The following DLGAP2 variants were observed in gnomAD, a reference collection of about 807,000 sequenced individuals.
DLGAP2 encodes the protein disks large-associated protein 2.
In DLGAP2, 26 loss-of-function variants were observed where a neutral mutation model predicts 100.3. The ratio of observed to expected loss-of-function variants is 0.26; its 90% CI spans 0.19 to 0.36. The LOEUF is 0.36. DLGAP2 is among the 10% of genes least tolerant of loss of function. The pLI, the probability that DLGAP2 is intolerant of heterozygous loss-of-function variation, is 1.00. For synonymous variants in DLGAP2, 886 were observed against 630.1 expected, an observed-to-expected ratio of 1.41 and a Z score of -6.08; for missense variants, 1,858 against 1,453.2, an observed-to-expected ratio of 1.28 and a Z score of -4.53.
intron 3 of DLGAP2, among the ~76,000 whole-genome samples, chr8:1,425,803 G>A (rs1473498393): frequency 6.6e-6 from 1 of 152,200 alleles, no homozygotes; most frequent in Non-Finnish European, 1.5e-5. Flanking sequence ...CCCAGGGGAT[G>A]TCAGGGCCCT....
At chr8:751,952 A>T (rs1041122147) in intron 1 of DLGAP2, among the ~76,000 whole-genome samples, 1 of 152,188 alleles carries the variant, frequency 6.6e-6, no homozygotes. Context: ...GTAAGTCCTT[A>T]TAGGAAGTTC....
At chr8:928,468 C>T (rs1798867500) in intron 2 of DLGAP2, among the ~76,000 whole-genome samples, 1 of 152,082 alleles carries the variant, frequency 6.6e-6, no homozygotes, top group Non-Finnish European at 1.5e-5. Flanking sequence ...GGAACAGGTC[C>T]CCAGCTTGGT....
chr8:1,653,684 C>T (rs1388849122), intron 8 of DLGAP2, among the ~76,000 whole-genome samples: 2 of 68,596 alleles, frequency 2.9e-5, no homozygotes, highest in Non-Finnish European at 6.6e-5. Flanking sequence ...CTGTGAACTG[C>T]AGGGGCGGAC....
intron 2 of DLGAP2, among the ~76,000 whole-genome samples, chr8:1,196,167 T>C (rs944696128): frequency 1.3e-5 from 2 of 152,372 alleles, no homozygotes; most frequent in Admixed American, 1.3e-4. Flanking sequence ...TGCTCACCTG[T>C]TAAAGACCCT....
chr8:1,050,582 C>G (rs1203711139), intron 2 of DLGAP2, among the ~76,000 whole-genome samples: 1 of 152,192 alleles, frequency 6.6e-6, no homozygotes, highest in African/African-American at 2.4e-5. Flanking sequence ...GCGCCTGTCC[C>G]TGAATGCAGG....
chr8:1,523,669 T>C (rs912435845), intron 4 of DLGAP2, among the ~76,000 whole-genome samples: 1 of 152,196 alleles, frequency 6.6e-6, no homozygotes, highest in African/African-American at 2.4e-5. Flanking sequence ...GGAACACTCG[T>C]GGAGCCGTCT....
At chr8:1,004,046 C>T (rs571689742) in intron 2 of DLGAP2, among the ~76,000 whole-genome samples, 22 of 152,010 alleles carry the variant, frequency 1.4e-4, no homozygotes, top group Admixed American at 1.1e-3. Context: ...AATAATTGCC[C>T]GATACATGTT....
chr8:1,652,309 C>T (rs1327562743), intron 8 of DLGAP2, among the ~76,000 whole-genome samples: 1 of 152,204 alleles, frequency 6.6e-6, no homozygotes, highest in Non-Finnish European at 1.5e-5. Context: ...CCATTCCATT[C>T]ATTGTGAGTC....
At chr8:1,692,416 C>T (rs7012860) in intron 13 of DLGAP2, among the ~76,000 whole-genome samples, 5,999 of 119,278 alleles carry the variant, frequency 0.05, 364 homozygotes, top group South Asian at 0.11. Context: ...GGCAGGGAGG[C>T]GGATACGGCC....
intron 1 of DLGAP2, among the ~76,000 whole-genome samples, chr8:860,550 A>G (rs1486191460): frequency 1.3e-5 from 2 of 152,232 alleles, no homozygotes; most frequent in African/African-American, 2.4e-5. Flanking sequence ...CTGCATTTGC[A>G]TAACACTCAT....
intron 1 of DLGAP2, among the ~76,000 whole-genome samples, chr8:769,771 C>G (rs1368357780): frequency 6.6e-6 from 1 of 152,148 alleles, no homozygotes; most frequent in Non-Finnish European, 1.5e-5. Context: ...GGATTCTTCC[C>G]ATTAAAAATG....
chr8:1,255,257 G>A (rs539429382), intron 2 of DLGAP2, among the ~76,000 whole-genome samples: 2 of 93,526 alleles, frequency 2.1e-5, no homozygotes, highest in Non-Finnish European at 3.9e-5. Context: ...ATCCTGCCCG[G>A]GTGCTGTGTG....
At chr8:792,445 A>G (rs1795934897) in intron 1 of DLGAP2, among the ~76,000 whole-genome samples, 1 of 152,176 alleles carries the variant, frequency 6.6e-6, no homozygotes, top group Non-Finnish European at 1.5e-5. Context: ...TTGATCCTGG[A>G]TGTCCTTTCA....
chr8:1,310,733 C>T (rs977694645), intron 3 of DLGAP2, among the ~76,000 whole-genome samples: 1 of 152,134 alleles, frequency 6.6e-6, no homozygotes, highest in African/African-American at 2.4e-5. Context: ...TCTCGGCTCG[C>T]TGCAACCTCT....
At chr8:1,023,834 C>A (rs1801697544) in intron 2 of DLGAP2, among the ~76,000 whole-genome samples, 2 of 130,818 alleles carry the variant, frequency 1.5e-5, no homozygotes, top group South Asian at 4.7e-4. Context: ...GTCTTTCCGT[C>A]TGCAAGTGCT....
chr8:953,356 G>T (rs928685627), intron 2 of DLGAP2, among the ~76,000 whole-genome samples: 2 of 152,024 alleles, frequency 1.3e-5, no homozygotes, highest in South Asian at 2.1e-4. Flanking sequence ...ACCACGCCCG[G>T]CTAATTTTTG....
intron 3 of DLGAP2, among the ~76,000 whole-genome samples, chr8:1,466,742 A>G (rs1485841942): frequency 6.6e-6 from 1 of 152,156 alleles, no homozygotes; most frequent in Non-Finnish European, 1.5e-5. Flanking sequence ...GAGGAAGGAA[A>G]TGATCACCAT....
chr8:1,312,788 G>C (rs1800643440), intron 3 of DLGAP2, among the ~76,000 whole-genome samples: 1 of 152,200 alleles, frequency 6.6e-6, no homozygotes, highest in East Asian at 1.9e-4. Flanking sequence ...CACCAATGTG[G>C]AAGGAGAGCT....
intron 4 of DLGAP2, among the ~76,000 whole-genome samples, chr8:1,519,852 C>T (rs188278266): frequency 7.0e-4 from 107 of 152,366 alleles, no homozygotes; most frequent in Non-Finnish European, 1.3e-3. Context: ...CCATGGCTTC[C>T]TTTGGGGGCA....
Sources: gnomAD v4.1 joint callset for allele counts (sites outside exome capture counted in the v4.1 genomes callset) on GRCh38, gnomAD v4.1.1 for gene constraint, MANE v1.5 for transcripts, NCBI Gene and HGNC (gene_info 2026-07-23, HGNC 2026-07-21) for gene names.